Variants in CTNNA2 observed in about 807,000 individuals in gnomAD.
CTNNA2 encodes the protein catenin alpha 2, also known as catenin alpha-2.
CTNNA2 carries 42 observed loss-of-function variants against 101.0 expected under a neutral mutation model. The observed-to-expected ratio is 0.42, with a 90% confidence interval of 0.32 to 0.54. The LOEUF is 0.54. CTNNA2 is among the 20% of genes least tolerant of loss of function. CTNNA2 has a pLI of 0.14. For synonymous variants in CTNNA2, 450 were observed against 456.4 expected, an observed-to-expected ratio of 0.99 and a Z score of 0.18; for missense variants, 871 against 1,223.1, an observed-to-expected ratio of 0.71 and a Z score of 4.29.
chr2:79,641,603 C>T (rs890965472), intron 1 of CTNNA2, among the ~76,000 whole-genome samples: 3 of 152,096 alleles, frequency 2.0e-5, no homozygotes, highest in Non-Finnish European at 4.4e-5. Context: ...ATTTGGGTCC[C>T]TGGTGGGACA....
At chr2:79,578,178 A>C (rs939964103) in intron 1 of CTNNA2, among the ~76,000 whole-genome samples, 1 of 152,008 alleles carries the variant, frequency 6.6e-6, no homozygotes, top group African/African-American at 2.4e-5. Context: ...TTGATTACTT[A>C]TTTTGCTCTG....
rs1199616310 is a variant in CTNNA2, at chr2:80,034,354, CTTT to C, written c.1056+124572_1056+124574del. Among the ~76,000 whole-genome samples the C allele has an allele frequency of 1.3e-3, 69 of 54,090 alleles. No individual in the cohort carries two copies. In the East Asian group the frequency reaches 0.014, roughly 11 times the overall value. 35.5% of individuals were successfully genotyped at this position (54,090 alleles called of 152,430 possible). ...AAAATGCTGAATTTCATTTTTTTTT[CTTT>C]TTTTTTTTTTTTTTGATACGGAGTC... On this transcript the variant is annotated intron_variant, in intron 7 of 18. Coordinates refer to ENST00000402739, the MANE Select transcript of CTNNA2 (RefSeq NM_001282597.3).
At chr2:79,798,514 G>A (rs1216410933) in intron 3 of CTNNA2, among the ~76,000 whole-genome samples, 3 of 150,544 alleles carry the variant, frequency 2.0e-5, no homozygotes, top group Non-Finnish European at 4.4e-5. Flanking sequence ...TGAAGCACTG[G>A]AGTGAAACCA....
rs150828483 is a variant in CTNNA2, at chr2:79,752,209, G to T, written c.298+7627G>T. Among the ~76,000 whole-genome samples the T allele has an allele frequency of 7.0e-3, 1,070 of 152,160 alleles. 8 individuals are homozygous for T. The highest frequency in any genetic ancestry group is 0.017 in the Middle Eastern group (5 of 294). On this transcript the variant is annotated intron_variant, in intron 3 of 18. Coordinates refer to ENST00000402739, the MANE Select transcript of CTNNA2 (RefSeq NM_001282597.3). ...GATGAAGGTATAGTTTTGGAAGAAA[G>T]AACAAACTAGTATTAGAAAATGAAG...
intron 7 of CTNNA2, among the ~76,000 whole-genome samples, chr2:80,286,198 C>T (rs1049792373): frequency 6.6e-6 from 1 of 152,136 alleles, no homozygotes; most frequent in Non-Finnish European, 1.5e-5. Context: ...TGTGGATAGA[C>T]CCACTGGTGG....
At chr2:80,445,701 C>A (rs1177878801) in intron 9 of CTNNA2, among the ~76,000 whole-genome samples, 1 of 152,112 alleles carries the variant, frequency 6.6e-6, no homozygotes, top group Non-Finnish European at 1.5e-5. Context: ...TCTAGGGACC[C>A]CTACTTTGAG....
chr2:80,109,616 C>A lies in CTNNA2; in HGVS notation c.1056+199819C>A, dbSNP rs116942853. ...GGTATTCTGAATTCTAGGAAATGGC[C>A]GAGTACAGCATAATGTTCTCTGCTT... On this transcript the variant is annotated intron_variant, in intron 7 of 18. Coordinates refer to ENST00000402739, the MANE Select transcript of CTNNA2 (RefSeq NM_001282597.3). Among the ~76,000 whole-genome samples, 108 of 152,278 alleles carry A rather than the reference C, an allele frequency of 7.1e-4. No individual in the cohort carries two copies. The East Asian group carries it at 0.02, about 29-fold the overall frequency.
intron 6 of CTNNA2, among the ~76,000 whole-genome samples, chr2:79,900,559 A>T (rs1288060010): frequency 1.3e-5 from 2 of 152,054 alleles, no homozygotes; most frequent in African/African-American, 4.8e-5. Context: ...ATTTCACCTG[A>T]CCTATGGCAT....
chr2:79,628,288 C>G (rs62140100), intron 1 of CTNNA2, among the ~76,000 whole-genome samples: 1 of 152,064 alleles, frequency 6.6e-6, no homozygotes, highest in East Asian at 1.9e-4. Context: ...TCCATCTCTA[C>G]TAAAAATACG....
At chr2:79,901,157 G>A (rs2104279959) in intron 6 of CTNNA2, among the ~76,000 whole-genome samples, 1 of 151,364 alleles carries the variant, frequency 6.6e-6, no homozygotes, top group African/African-American at 2.4e-5. Context: ...CCCCATATCA[G>A]AAGGACATAT....
chr2:80,604,186 G>C lies in CTNNA2; in HGVS notation c.2295+7G>C. The C allele has an allele frequency of 6.2e-7, 1 of 1,610,214 alleles. No homozygotes were observed. On this transcript the variant is annotated splice_region_variant and intron_variant, in intron 16 of 18. Transcript: ENST00000402739. Reference sequence around the variant, plus strand: ...TCGTGCTGTGGCTGATCAGGTAATAGAAGAGGGAAGGGTGGGCACATGCTG... The same window carrying C: ...TCGTGCTGTGGCTGATCAGGTAATACAAGAGGGAAGGGTGGGCACATGCTG...
intron 7 of CTNNA2, among the ~76,000 whole-genome samples, chr2:80,256,487 C>T (rs1432269697): frequency 6.6e-6 from 1 of 152,090 alleles, no homozygotes; most frequent in Non-Finnish European, 1.5e-5. Context: ...ATCCAGGATC[C>T]TTCTAGAAAT....
In CTNNA2 at chr2:79,732,498, A is replaced by C. The variant is rs187868721; in HGVS notation, c.103-11889A>C. ...AACATAAAACAGTAAAACAACAAAAAGTTTGTATATGTCTCTGTATGCATA... is the reference window on the plus strand; with the variant it reads ...AACATAAAACAGTAAAACAACAAAACGTTTGTATATGTCTCTGTATGCATA... On this transcript the variant is annotated intron_variant, in intron 2 of 18. Transcript: ENST00000402739. Among the ~76,000 whole-genome samples the C allele has an allele frequency of 1.5e-3, 235 of 152,190 alleles. 2 individuals carry two copies. The highest frequency in any genetic ancestry group is 0.012 in the Admixed American group (188 of 15,254).
intron 7 of CTNNA2, among the ~76,000 whole-genome samples, chr2:80,021,408 T>G: frequency 6.6e-6 from 1 of 152,228 alleles, no homozygotes; most frequent in East Asian, 1.9e-4. Context: ...TATCCCTGAC[T>G]GCATTACCTG....
Position 80,148,191 on chromosome 2 carries a change from C to T in CTNNA2, c.1056+238394C>T, listed in dbSNP as rs61263524. 2.1e-3 allele frequency among the ~76,000 whole-genome samples: 319 copies of T among 152,164 alleles called. 1 individual carries two copies. The highest frequency in any genetic ancestry group is 7.2e-3 in the African/African-American group (299 of 41,516). On this transcript the variant is annotated intron_variant, in intron 7 of 18. Transcript: ENST00000402739. Reference sequence around the variant, plus strand: ...TAGAATCTGTCTCTCTTGAGATGTTCGGGGATTTCTTTTTAAAGGCATTGG... The same window carrying T: ...TAGAATCTGTCTCTCTTGAGATGTTTGGGGATTTCTTTTTAAAGGCATTGG...
chr2:79,364,363 T>C (rs1194345488), intron 3 of CTNNA2, among the ~76,000 whole-genome samples: 1 of 152,192 alleles, frequency 6.6e-6, no homozygotes, highest in Non-Finnish European at 1.5e-5. Flanking sequence ...TTTAAGTTCA[T>C]ACAGATCCAC....
At chr2:80,520,099 A>T (rs1689415869) in intron 9 of CTNNA2, among the ~76,000 whole-genome samples, 1 of 152,130 alleles carries the variant, frequency 6.6e-6, no homozygotes, top group Non-Finnish European at 1.5e-5. Context: ...CTCCTCCAGG[A>T]ATGCTGTTAA....
At chr2:79,211,659 G>A (rs1674175326) in intron 2 of CTNNA2, among the ~76,000 whole-genome samples, 1 of 152,108 alleles carries the variant, frequency 6.6e-6, no homozygotes. Flanking sequence ...TTTCTTTTGT[G>A]GTGGAATGTC....
chr2:80,173,002 A>G (rs1308648199), intron 7 of CTNNA2, among the ~76,000 whole-genome samples: 1 of 152,224 alleles, frequency 6.6e-6, no homozygotes, highest in Non-Finnish European at 1.5e-5. Context: ...ACTTTAACAT[A>G]TAAATTTGTG....
Sources: allele counts gnomAD v4.1 joint callset (sites outside exome capture counted in the v4.1 genomes callset), GRCh38; gene constraint gnomAD v4.1.1; transcripts MANE v1.5; gene names NCBI Gene and HGNC (gene_info 2026-07-23, HGNC 2026-07-21).